Variants in WDR45B observed in about 807,000 individuals in gnomAD.
The protein encoded by WDR45B is WD repeat domain 45B, also known as WD repeat domain phosphoinositide-interacting protein 3.
WDR45B carries 20 observed loss-of-function variants against 44.6 expected under a neutral mutation model. The observed-to-expected ratio is 0.45, with a 90% CI of 0.32 to 0.65. The LOEUF (loss-of-function observed/expected upper bound fraction) is 0.65. Ranked by LOEUF, WDR45B falls within the 30% of genes least tolerant of loss-of-function variation. WDR45B has a pLI of 0.05. For missense variants in WDR45B, 323 were observed against 430.2 expected (o/e 0.75, Z 2.20); for synonymous variants, 169 against 164.9 (o/e 1.02, Z -0.19).
chr17:82,626,413 T>C (rs1001523306), intron 4 of WDR45B, among the ~76,000 whole-genome samples: 5 of 150,736 alleles, frequency 3.3e-5, no homozygotes, highest in Admixed American at 3.3e-4. Context: ...TGTGCGCCTG[T>C]AGTCCCAGCT....
At chr17:82,636,776 TC>T (rs1390813823) in intron 2 of WDR45B, among the ~76,000 whole-genome samples, 3 of 152,024 alleles carry the variant, frequency 2.0e-5, no homozygotes, top group African/African-American at 4.8e-5. Flanking sequence ...CCTACCCGCT[TC>T]CCGTCAACTC....
chr17:82,624,591 C>T (rs2045667740), intron 5 of WDR45B, among the ~76,000 whole-genome samples: 1 of 147,308 alleles, frequency 6.8e-6, no homozygotes, highest in South Asian at 2.2e-4. Flanking sequence ...ACGGTGGCTA[C>T]ACAACTGTTT....
chr17:82,640,074 C>G (rs931531226), intron 2 of WDR45B, among the ~76,000 whole-genome samples: 4 of 141,116 alleles, frequency 2.8e-5, no homozygotes, highest in Admixed American at 7.4e-5. Flanking sequence ...ACACTGCCCC[C>G]CAAGACTGAA....
intron 2 of WDR45B, among the ~76,000 whole-genome samples, chr17:82,635,912 C>G (rs994758824): frequency 1.3e-5 from 2 of 151,620 alleles, no homozygotes; most frequent in African/African-American, 4.9e-5. Context: ...ACATGGAAAA[C>G]CCCCGTCTCT....
At chr17:82,639,043 G>A (rs576976432) in intron 2 of WDR45B, among the ~76,000 whole-genome samples, 12 of 151,992 alleles carry the variant, frequency 7.9e-5, no homozygotes, top group African/African-American at 2.7e-4. Context: ...GGATGGTCTC[G>A]ATCTCCTGAC....
chr17:82,629,405 C>G (rs2143309297), intron 3 of WDR45B: 1 of 706,944 alleles, frequency 1.4e-6, no homozygotes, highest in Non-Finnish European at 1.7e-6. Context: ...CCTGCTCTCT[C>G]TGTGGAACCT....
intron 2 of WDR45B, among the ~76,000 whole-genome samples, chr17:82,640,815 T>G (rs2045904769): frequency 6.6e-6 from 1 of 152,114 alleles, no homozygotes; most frequent in Non-Finnish European, 1.5e-5. Context: ...CATGCACATG[T>G]GAGAACTCAC....
At chr17:82,616,768 ATT>A in intron 8 of WDR45B, 123 bp from the exon 9 acceptor site, 13 of 1,257,632 alleles carry the variant, frequency 1.0e-5, no homozygotes, top group South Asian at 1.4e-5. Flanking sequence ...GCTTTAATGA[ATT>A]TTTTTTTTGC....
At chr17:82,641,131 A>G (rs2045909872) in intron 2 of WDR45B, among the ~76,000 whole-genome samples, 1 of 151,720 alleles carries the variant, frequency 6.6e-6, no homozygotes, top group African/African-American at 2.4e-5. Context: ...ACGCCTGGCT[A>G]ACTTTTTGTA....
At position 82,640,969 on chromosome 17, in the gene WDR45B, GT is replaced by G. The variant is rs398031785; in HGVS notation, c.142+2979del. On this transcript the variant is annotated intron_variant, in intron 2 of 9. Coordinates refer to ENST00000392325, the MANE Select transcript of WDR45B (RefSeq NM_019613.4). ...GAAGTTTTAGATGTTTCTTGTCTGG[GT>G]TTTTTTTTTTTTTGAGACGGAGTCT... Among the ~76,000 whole-genome samples the G allele has an allele frequency of 3.6e-4, 48 of 131,844 alleles. 1 individual carries two copies. The South Asian group carries it at 6.4e-3, about 18-fold the overall frequency. The allele number at this position is 131,844 out of a possible 152,430, so 86.5% of individuals were successfully genotyped here. A position where few individuals can be genotyped will look rare whatever the true frequency, so the allele number is the denominator to read the frequency against.
At chr17:82,629,652 G>C (rs181164955) in intron 3 of WDR45B, 20 of 985,220 alleles carry the variant, frequency 2.0e-5, no homozygotes, top group Non-Finnish European at 2.4e-5. Flanking sequence ...AAAAATAAAT[G>C]TATCAGGCAG....
intron 5 of WDR45B, among the ~76,000 whole-genome samples, chr17:82,624,293 A>G (rs2045661821): frequency 6.6e-6 from 1 of 151,884 alleles, no homozygotes. Context: ...CTTTAGTCTC[A>G]CTCTGTCGCC....
intron 4 of WDR45B, 154 bp from the exon 5 acceptor site, chr17:82,625,637 A>T (rs2143289845): frequency 1.3e-6 from 1 of 781,616 alleles, no homozygotes; most frequent in Non-Finnish European, 2.1e-6. Flanking sequence ...GCAGGTAGCC[A>T]GCGCCAGGCC....
rs910461127 is a variant in WDR45B at position 82,648,399 on chromosome 17, G to T, written c.-59C>A. 3 of 1,579,156 alleles carry T rather than the reference G, an allele frequency of 1.9e-6. No homozygotes were observed. The highest frequency in any genetic ancestry group is 2.4e-5 in the East Asian group (1 of 42,268). On this transcript the variant is annotated 5_prime_UTR_variant, in exon 1 of 10. Transcript: ENST00000392325. The stretch of plus-strand genomic sequence containing the variant: ...CTGCATGCCTCTCGCTGGGGACGGC[G>T]GCCTGGTCCCTTCGGGCCGGCGCTG...
At position 82,627,297 on chromosome 17, in the gene WDR45B, A is replaced by G. The variant is rs773990912; in HGVS notation, c.245-6T>C. On this transcript the variant is annotated splice_region_variant and splice_polypyrimidine_tract_variant and intron_variant, in intron 3 of 9. Coordinates refer to ENST00000392325, the MANE Select transcript of WDR45B (RefSeq NM_019613.4). ...CAGGTCATCCCAGATCATTACTGAA[A>G]TATCAGAAAGAAAAGATGAATGCAG... The G allele has an allele frequency of 3.7e-6, 6 of 1,605,672 alleles. No homozygotes were observed. Among genetic ancestry groups the G allele is most frequent in the Non-Finnish European group, 5.1e-6 (6 of 1,174,406 alleles).
chr17:82,620,280 A>C (rs2045595839), intron 6 of WDR45B, among the ~76,000 whole-genome samples: 1 of 152,116 alleles, frequency 6.6e-6, no homozygotes, highest in Non-Finnish European at 1.5e-5. Context: ...CTAAAAATAC[A>C]AACATTAGCC....
chr17:82,626,239 A>G (rs1180267901), intron 4 of WDR45B, among the ~76,000 whole-genome samples: 1 of 151,214 alleles, frequency 6.6e-6, no homozygotes, highest in African/African-American at 2.4e-5. Context: ...AAACCCACAC[A>G]AAAATGCAGG....
rs398031785 is a variant in WDR45B, at chr17:82,640,969, G to GTTTTTTTTT, written c.142+2971_142+2979dup. Among the ~76,000 whole-genome samples the GTTTTTTTTT allele has an allele frequency of 6.4e-4, 84 of 131,846 alleles. 5 individuals are homozygous for GTTTTTTTTT. The highest frequency in any genetic ancestry group is 1.0e-3 in the Non-Finnish European group (64 of 64,068). 86.5% of individuals were successfully genotyped at this position (131,846 alleles called of 152,430 possible). On this transcript the variant is annotated intron_variant, in intron 2 of 9. Transcript: ENST00000392325. The stretch of plus-strand genomic sequence containing the variant: ...GAAGTTTTAGATGTTTCTTGTCTGG[G>GTTTTTTTTT]TTTTTTTTTTTTTTGAGACGGAGTC...
chr17:82,624,538 G>C (rs899121712), intron 5 of WDR45B, among the ~76,000 whole-genome samples: 7 of 152,098 alleles, frequency 4.6e-5, no homozygotes, highest in Non-Finnish European at 1.0e-4. Flanking sequence ...GGGATTACAG[G>C]CGTGAGCCAC....
Sources: allele counts gnomAD v4.1 joint callset (sites outside exome capture counted in the v4.1 genomes callset), GRCh38; gene constraint gnomAD v4.1.1; transcripts MANE v1.5; gene names NCBI Gene and HGNC (gene_info 2026-07-23, HGNC 2026-07-21).